The following IL6ST variants were observed in gnomAD, a reference collection of about 807,000 sequenced individuals.
IL6ST encodes the protein interleukin 6 cytokine family signal transducer.
A neutral mutation model predicts 91.3 loss-of-function variants in IL6ST; 24 were observed. That is an observed-to-expected ratio of 0.26 (90% CI 0.19 to 0.37). IL6ST has a LOEUF of 0.37. Among genes scored for constraint, IL6ST ranks in the 10% least tolerant of loss-of-function variants. The pLI, the probability that IL6ST is intolerant of heterozygous loss-of-function variation, is 1.00. For missense variants in IL6ST, 914 were observed against 1,078.5 expected (o/e 0.85, Z 2.14); for synonymous variants, 351 against 373.6 (o/e 0.94, Z 0.70).
chr5:55,963,265 T>TA (rs1752432398), intron 7 of IL6ST, 87 bp downstream of exon 7: 5 of 945,644 alleles, frequency 5.3e-6, no homozygotes, highest in Non-Finnish European at 7.9e-6. Context: ...ACCAGAAACT[T>TA]AAAGACATTT....
At chr5:55,980,236 A>C (rs924510454) in intron 2 of IL6ST, among the ~76,000 whole-genome samples, 7 of 152,300 alleles carry the variant, frequency 4.6e-5, no homozygotes, top group African/African-American at 1.2e-4. Context: ...CTTATGCAAA[A>C]AATAAATTTA....
At position 55,963,448 on chromosome 5, in the gene IL6ST, G is replaced by A. The variant is rs561566061; in HGVS notation, c.717C>T (p.Ile239=). 9 of 1,607,548 alleles carry A rather than the reference G, an allele frequency of 5.6e-6. No homozygotes were observed. In the Admixed American group the frequency reaches 6.7e-5, roughly 12 times the overall value. Residue 239 remains isoleucine (I), a synonymous_variant, in exon 7 of 17, where the codon ATC becomes ATT. Transcript: ENST00000381298. ...TTGGGTTGGTCCATGTCAATTTTAA[G>A]ATACTAGACAGTTCCTCTGAGTTGA... ...SVINSEELSS[I]LKLTWTNPSI...
rs890374819 is a variant in IL6ST at position 55,947,600 on chromosome 5, A to C, written c.1841-11T>G. 2.2e-6 allele frequency: 3 copies of C among 1,392,106 alleles called. No individual in the cohort carries two copies. In the African/African-American group the frequency reaches 4.4e-5, roughly 21 times the overall value. The allele number at this position is 1,392,106 out of a possible 1,614,324, so 86.2% of individuals were successfully genotyped here. A position where few individuals can be genotyped will look rare whatever the true frequency, so the allele number is the denominator to read the frequency against. On this transcript the variant is annotated splice_polypyrimidine_tract_variant and intron_variant, in intron 14 of 16. Coordinates refer to ENST00000381298, the MANE Select transcript of IL6ST (RefSeq NM_002184.4). ...CAATTTCTCCTTGAGCTTAAAAAAA[A>C]AAAAAAAAAAAAAAAAAGAGGTGTG...
chr5:55,941,066 AG>A lies in IL6ST; in HGVS notation c.*15del, dbSNP rs1561149630. 5 of 1,579,090 alleles carry A rather than the reference AG, an allele frequency of 3.2e-6. No homozygotes were observed. The South Asian group carries it at 4.7e-5, about 15-fold the overall frequency. ...TTATAGGTACTGCTGAAGTTGTAGCAGGAACTACTAGTCCTTCACTGAGGCA... is the reference window on the plus strand; with the variant it reads ...TTATAGGTACTGCTGAAGTTGTAGCAGAACTACTAGTCCTTCACTGAGGCA... On this transcript the variant is annotated 3_prime_UTR_variant, in exon 17 of 17. Transcript: ENST00000381298.
intron 8 of IL6ST, among the ~76,000 whole-genome samples, chr5:55,958,740 G>A (rs142966257): frequency 7.9e-5 from 12 of 151,768 alleles, no homozygotes; most frequent in Middle Eastern, 3.4e-3. Flanking sequence ...GTTGGGGGCT[G>A]AGGCATGAGG....
intron 1 of IL6ST, among the ~76,000 whole-genome samples, chr5:55,983,751 T>C (rs1753794457): frequency 6.6e-6 from 1 of 152,212 alleles, no homozygotes; most frequent in Admixed American, 6.5e-5. Context: ...CATGAACATT[T>C]TGGTGGATAT....
At chr5:55,959,469 A>C (rs2111737636) in intron 8 of IL6ST, 1 of 165,376 alleles carries the variant, frequency 6.0e-6, no homozygotes, top group Middle Eastern at 3.1e-3. Flanking sequence ...AAGGTCTCAA[A>C]ATGAAAAATC....
chr5:55,946,291 A>T (rs1751246236), intron 15 of IL6ST, among the ~76,000 whole-genome samples: 1 of 152,208 alleles, frequency 6.6e-6, no homozygotes, highest in South Asian at 2.1e-4. Flanking sequence ...ACTCTGAAAA[A>T]GTTTGGCAGT....
At chr5:55,945,610 A>C (rs1468239865) in intron 15 of IL6ST, among the ~76,000 whole-genome samples, 1 of 149,124 alleles carries the variant, frequency 6.7e-6, no homozygotes, top group Non-Finnish European at 1.5e-5. Context: ...CAGAAAAAAA[A>C]CTGATAAAAT....
In IL6ST at chr5:55,964,301, T is replaced by C. The variant is rs1354713536; in HGVS notation, c.503A>G (p.Lys168Arg). 1.2e-6 allele frequency: 2 copies of C among 1,609,288 alleles called. No individual in the cohort carries two copies. Among genetic ancestry groups the C allele is most frequent in the Non-Finnish European group, 1.7e-6 (2 of 1,177,252 alleles). Residue 168 changes from lysine to arginine, a missense_variant, in exon 6 of 17, where the codon AAG (lysine) becomes AGG (arginine). By Grantham distance (26) the Lys-to-Arg change is conservative. Coordinates refer to ENST00000381298, the MANE Select transcript of IL6ST (RefSeq NM_002184.4). ...ACGTTTTGCTTTGCAATCAGCAAACTTGTGTGTTGCCCTAAATACAAAAAA... is the reference window on the plus strand; with the variant it reads ...ACGTTTTGCTTTGCAATCAGCAAACCTGTGTGTTGCCCTAAATACAAAAAA... ...FTLKSEWATH[K>R]FADCKAKRDT...
chr5:55,954,118 T>C (rs939108721), intron 11 of IL6ST, among the ~76,000 whole-genome samples: 4 of 152,216 alleles, frequency 2.6e-5, no homozygotes, highest in Middle Eastern at 3.2e-3. Flanking sequence ...ACTAATAACA[T>C]GTAAGTCCAA....
At chr5:55,974,933 T>TCATA (rs1561193467) in intron 3 of IL6ST, among the ~76,000 whole-genome samples, 2 of 144,456 alleles carry the variant, frequency 1.4e-5, no homozygotes, top group African/African-American at 5.1e-5. Flanking sequence ...ATAGTATTAT[T>TCATA]CATACACACA....
At chr5:55,945,675 T>TTTC (rs1751203201) in intron 15 of IL6ST, among the ~76,000 whole-genome samples, 1 of 135,026 alleles carries the variant, frequency 7.4e-6, no homozygotes, top group African/African-American at 3.4e-5. Context: ...TTTTTTTTTT[T>TTTC]TCAGACACTC....
At chr5:55,984,778 C>T (rs565058687) in intron 1 of IL6ST, among the ~76,000 whole-genome samples, 3 of 151,370 alleles carry the variant, frequency 2.0e-5, no homozygotes, top group Non-Finnish European at 4.4e-5. Context: ...AATGCAAATA[C>T]AACACAAACT....
At chr5:55,944,003 A>T (rs1392289850) in intron 15 of IL6ST, among the ~76,000 whole-genome samples, 1 of 152,130 alleles carries the variant, frequency 6.6e-6, no homozygotes, top group East Asian at 1.9e-4. Flanking sequence ...GCTTGAACCC[A>T]GAAGGTGGGG....
intron 14 of IL6ST, among the ~76,000 whole-genome samples, chr5:55,949,923 A>G (rs921519860): frequency 1.5e-4 from 23 of 152,200 alleles, no homozygotes; most frequent in African/African-American, 5.3e-4. Context: ...GGGGAGCAAG[A>G]AAGAATGTTG....
rs371650184 is a variant in IL6ST, at chr5:55,984,931, G to T, written c.-103-2120C>A. On this transcript the variant is annotated intron_variant, in intron 1 of 16. Transcript: ENST00000381298. ...GTCCCCAAAATAGAAGGTAAGTGAAGAGTGGAATGGCTAGGCCCTACGGCA... is the reference window on the plus strand; with the variant it reads ...GTCCCCAAAATAGAAGGTAAGTGAATAGTGGAATGGCTAGGCCCTACGGCA... 2.0e-5 allele frequency among the ~76,000 whole-genome samples: 3 copies of T among 152,226 alleles called. No individual in the cohort carries two copies. In the East Asian group the frequency reaches 5.8e-4, roughly 29 times the overall value.
chr5:55,964,388 A>G, intron 5 of IL6ST, 76 bp from the exon 6 acceptor site: 1 of 1,025,442 alleles, frequency 9.8e-7, no homozygotes, highest in Non-Finnish European at 1.5e-6. Context: ...TTACTTGCAA[A>G]GAGTTTGATG....
At chr5:55,952,216 A>C (rs770721339) in intron 12 of IL6ST, 34 bp downstream of exon 12, 1 of 1,535,572 alleles carries the variant, frequency 6.5e-7, no homozygotes, top group East Asian at 2.3e-5. Context: ...AAAGCCCTAA[A>C]CTTTTTTTTT....
Sources: gnomAD v4.1 joint callset for allele counts (sites outside exome capture counted in the v4.1 genomes callset) on GRCh38, gnomAD v4.1.1 for gene constraint, MANE v1.5 for transcripts, NCBI Gene and HGNC (gene_info 2026-07-23, HGNC 2026-07-21) for gene names.